The following SLC18A1 variants were observed in gnomAD, a reference collection of about 807,000 sequenced individuals.
SLC18A1 encodes chromaffin granule amine transporter.
A neutral mutation model predicts 53.7 loss-of-function variants in SLC18A1; 69 were observed. That is an observed-to-expected ratio of 1.28 (90% CI 1.06 to 1.57). The LOEUF is 1.57. Among genes scored for constraint, SLC18A1 ranks in the 40% most tolerant of loss-of-function variants. The probability of loss-of-function intolerance (pLI) is 0.00; values close to 1 mark genes in which losing one functional copy is unlikely to be tolerated. For missense variants in SLC18A1, 932 were observed against 668.1 expected (o/e 1.40, Z -4.35); for synonymous variants, 320 against 248.1 (o/e 1.29, Z -2.72).
At chr8:20,154,702 G>A (rs1227526338) in intron 10 of SLC18A1, among the ~76,000 whole-genome samples, 1 of 152,216 alleles carries the variant, frequency 6.6e-6, no homozygotes. Context: ...AAAGAGCACT[G>A]GGAAATTTGG....
At chr8:20,162,236 G>C (rs948226984) in intron 10 of SLC18A1, among the ~76,000 whole-genome samples, 52 of 152,118 alleles carry the variant, frequency 3.4e-4, no homozygotes, top group African/African-American at 1.2e-3. Flanking sequence ...ACATCTCTGG[G>C]CCAGTAATGG....
rs1005941119 is a variant in SLC18A1, at chr8:20,144,989, T to A, written c.*774A>T. On this transcript the variant is annotated 3_prime_UTR_variant, in exon 16 of 16. Transcript: ENST00000276373. ...TCTTCCCATGAAATCTTGGGTCTAA[T>A]CAGTTATTTTTTCTGTCTTTCTTCT... 3 of 152,128 alleles carry A rather than the reference T, an allele frequency of 2.0e-5. No individual in the cohort carries two copies. Among genetic ancestry groups the A allele is most frequent in the Admixed American group, 2.0e-4 (3 of 15,280 alleles). The allele number at this position is 152,128 out of a possible 1,614,324, so 9.4% of individuals were successfully genotyped here. A position where few individuals can be genotyped will look rare whatever the true frequency, so the allele number is the denominator to read the frequency against.
intron 10 of SLC18A1, among the ~76,000 whole-genome samples, chr8:20,163,411 G>A (rs2071878628): frequency 6.6e-6 from 1 of 152,110 alleles, no homozygotes; most frequent in Admixed American, 6.5e-5. Flanking sequence ...ACTTATCCGA[G>A]GTCACAATCA....
Position 20,178,417 on chromosome 8 carries a change from A to T in SLC18A1, c.547+18T>A. ...AGGTAATCAGTGAAGGGAAGAAAAGAGGAAGCAAATTACTTACTAACTGTG... is the reference window on the plus strand; with the variant it reads ...AGGTAATCAGTGAAGGGAAGAAAAGTGGAAGCAAATTACTTACTAACTGTG... On this transcript the variant is annotated intron_variant, in intron 4 of 15. Coordinates refer to ENST00000276373, the MANE Select transcript of SLC18A1 (RefSeq NM_003053.4). 1 of 1,601,896 alleles carries T rather than the reference A, an allele frequency of 6.2e-7. No homozygotes were observed. Among genetic ancestry groups the T allele is most frequent in the Non-Finnish European group, 8.5e-7 (1 of 1,172,430 alleles).
At chr8:20,176,886 T>G (rs931505751) in intron 4 of SLC18A1, among the ~76,000 whole-genome samples, 1 of 152,230 alleles carries the variant, frequency 6.6e-6, no homozygotes, top group African/African-American at 2.4e-5. Context: ...AAGGATATCA[T>G]GCTAAAACGT....
chr8:20,149,739 A>G lies in SLC18A1; in HGVS notation c.1095-12T>C, dbSNP rs778395353. The G allele has an allele frequency of 6.2e-7, 1 of 1,613,582 alleles. No individual in the cohort carries two copies. The highest frequency in any genetic ancestry group is 1.7e-5 in the Admixed American group (1 of 59,974). ...GGGAACACAGCCACCTGGAAGAAAAAAGCCATCATCAAACACCACTAGGGG... is the reference window on the plus strand; with the variant it reads ...GGGAACACAGCCACCTGGAAGAAAAGAGCCATCATCAAACACCACTAGGGG... On this transcript the variant is annotated splice_polypyrimidine_tract_variant and intron_variant, in intron 11 of 15. Coordinates refer to ENST00000276373, the MANE Select transcript of SLC18A1 (RefSeq NM_003053.4).
Position 20,145,476 on chromosome 8 carries a change from A to G in SLC18A1, c.*287T>C, listed in dbSNP as rs2071370753. The G allele has an allele frequency of 3.8e-6, 1 of 260,572 alleles. No individual in the cohort carries two copies. The highest frequency in any genetic ancestry group is 7.8e-5 in the East Asian group (1 of 12,842). The allele number at this position is 260,572 out of a possible 1,614,324, so 16.1% of individuals were successfully genotyped here. Reference sequence around the variant, plus strand: ...CTCTATGCAATGAGTCACCCCTTGCAGAACCCGTCACAGCTCAAGTTTAAT... The same window carrying G: ...CTCTATGCAATGAGTCACCCCTTGCGGAACCCGTCACAGCTCAAGTTTAAT... On this transcript the variant is annotated 3_prime_UTR_variant, in exon 16 of 16. Transcript: ENST00000276373.
At chr8:20,160,389 T>A (rs1370752881) in intron 10 of SLC18A1, among the ~76,000 whole-genome samples, 3 of 151,422 alleles carry the variant, frequency 2.0e-5, no homozygotes, top group Non-Finnish European at 2.9e-5. Flanking sequence ...AGGACCTGAT[T>A]ATAGCTTACA....
intron 1 of SLC18A1, chr8:20,181,622 T>C (rs531199279): frequency 6.6e-5 from 10 of 152,100 alleles, no homozygotes; most frequent in Non-Finnish European, 1.3e-4. Context: ...TGATATCATG[T>C]TTCAAAAAGT....
rs112531759 is a variant in SLC18A1 at position 20,180,108 on chromosome 8, TTGTG to T, written c.125-628_125-625del. 7.7e-3 allele frequency among the ~76,000 whole-genome samples: 1,130 copies of T among 146,170 alleles called. 8 individuals carry two copies. The highest frequency in any genetic ancestry group is 0.02 in the South Asian group (91 of 4,498). On this transcript the variant is annotated intron_variant, in intron 2 of 15. Transcript: ENST00000276373. ...CGATGTTTAAGATTTAAGATTATAATTGTGTGTGTGTGTGTGTGTGTGTGTGTGT... is the reference window on the plus strand; with the variant it reads ...CGATGTTTAAGATTTAAGATTATAATTGTGTGTGTGTGTGTGTGTGTGTGT...
At chr8:20,159,655 A>AG in intron 10 of SLC18A1, among the ~76,000 whole-genome samples, 1 of 149,880 alleles carries the variant, frequency 6.7e-6, no homozygotes, top group Non-Finnish European at 1.5e-5. Context: ...AAAAAAAAAA[A>AG]AAAAAAAAGA....
At position 20,180,952 on chromosome 8, in the gene SLC18A1, T is replaced by A. The variant is rs770154387; in HGVS notation, c.13A>T (p.Ile5Phe). Residue 5 changes from isoleucine to phenylalanine, a missense_variant, in exon 2 of 16, where the codon ATT (isoleucine) becomes TTT (phenylalanine). Transcript: ENST00000276373. ...AGCAACCGCTGGGGAGCATCCAGAA[T>A]GGTCCGGAGCATGGTGATGGCCGGA... Reference protein sequence around the residue: MLRTILDAPQRLLKE... With the variant: MLRTFLDAPQRLLKE... 1 of 1,580,322 alleles carries A rather than the reference T, an allele frequency of 6.3e-7. No homozygotes were observed. The highest frequency in any genetic ancestry group is 1.9e-5 in the Admixed American group (1 of 53,858).
At chr8:20,152,701 T>C (rs2071588305) in intron 10 of SLC18A1, among the ~76,000 whole-genome samples, 1 of 152,142 alleles carries the variant, frequency 6.6e-6, no homozygotes, top group African/African-American at 2.4e-5. Flanking sequence ...TGGATGGGAT[T>C]GCCTATGAAA....
chr8:20,172,306 A>G (rs979592922), intron 6 of SLC18A1, among the ~76,000 whole-genome samples: 2 of 152,226 alleles, frequency 1.3e-5, no homozygotes, highest in African/African-American at 4.8e-5. Flanking sequence ...CTAGCAAATA[A>G]CAGGGATTCT....
rs1434570923 is a variant in SLC18A1 at position 20,166,324 on chromosome 8, TATATATAC to T, written c.859-1225_859-1218del. Among the ~76,000 whole-genome samples, 667 of 95,044 alleles carry T rather than the reference TATATATAC, an allele frequency of 7.0e-3. 19 individuals carry two copies. The highest frequency in any genetic ancestry group is 0.025 in the African/African-American group (510 of 20,814). The allele number at this position is 95,044 out of a possible 152,430, so 62.4% of individuals were successfully genotyped here. A position where few individuals can be genotyped will look rare whatever the true frequency, so the allele number is the denominator to read the frequency against. On this transcript the variant is annotated intron_variant, in intron 8 of 15. Transcript: ENST00000276373. ...ATATATATATATATATATATATATA[TATATATAC>T]ACCACCAGGTGGAAAATAATAAGGA... is the stretch of plus-strand genomic sequence containing the variant.
chr8:20,161,263 T>A (rs2071823653), intron 10 of SLC18A1, among the ~76,000 whole-genome samples: 1 of 152,168 alleles, frequency 6.6e-6, no homozygotes, highest in African/African-American at 2.4e-5. Context: ...TGTGAGCGTG[T>A]GAAATCAAAA....
intron 13 of SLC18A1, 53 bp downstream of exon 13, chr8:20,147,954 G>C (rs550857434): frequency 6.3e-7 from 1 of 1,585,418 alleles, no homozygotes; most frequent in East Asian, 2.2e-5. Flanking sequence ...AAAGGCATCA[G>C]ACCCAAAGCC....
rs775881751 is a variant in SLC18A1 at position 20,179,236 on chromosome 8, A to C, written c.373T>G (p.Cys125Gly). The change falls in exon 3 of 16, where the codon TGC becomes GGC. Residue 125 changes from cysteine (C) to glycine (G), a missense_variant. Coordinates refer to ENST00000276373, the MANE Select transcript of SLC18A1 (RefSeq NM_003053.4). ...TEAISAHKNN[C>G]LQGTGFLEEE... The stretch of plus-strand genomic sequence containing the variant: ...TCCAAGAAACCTGTGCCTTGCAAGC[A>C]GTTGTTTTTATGAGCTGAGATGGCT... The C allele has an allele frequency of 1.7e-5, 27 of 1,614,068 alleles. No homozygotes were observed. In the African/African-American group the frequency reaches 2.5e-4, roughly 15 times the overall value.
In SLC18A1 at chr8:20,164,883, G is replaced by T; in HGVS notation, c.1001C>A (p.Pro334His). Residue 334 changes from proline (P) to histidine (H), a missense_variant, in exon 10 of 16, where the codon CCC becomes CAC. Physicochemically the swap from Pro to His is moderately conservative, Grantham distance 77. Coordinates refer to ENST00000276373, the MANE Select transcript of SLC18A1 (RefSeq NM_003053.4). The stretch of plus-strand genomic sequence containing the variant: ...AGGTCACTTACCCAGCTGCCACTTG[G>T]GGGAGCACATGGTCTGCATCATCCA... ...PIWMMQTMCS[P>H]KWQLGLAFLP... 3.7e-6 allele frequency: 6 copies of T among 1,610,188 alleles called. No individual in the cohort carries two copies. In the South Asian group the frequency reaches 5.5e-5, roughly 15 times the overall value.
Sources: allele counts gnomAD v4.1 joint callset (sites outside exome capture counted in the v4.1 genomes callset), GRCh38; gene constraint gnomAD v4.1.1; transcripts MANE v1.5; gene names NCBI Gene and HGNC (gene_info 2026-07-23, HGNC 2026-07-21).